The following ANKRD22 variants were observed in gnomAD, a reference collection of about 807,000 sequenced individuals.
The protein encoded by ANKRD22 is ankyrin repeat domain 22.
Under a neutral mutation model 25.7 loss-of-function variants are expected in ANKRD22, and 24 were observed. That is an observed-to-expected ratio of 0.93 (90% CI 0.68 to 1.31). The LOEUF (loss-of-function observed/expected upper bound fraction) is 1.31, where lower values mean the gene tolerates loss of function less well. Among genes scored for constraint, ANKRD22 ranks in the 50% most tolerant of loss-of-function variants. The pLI is 0.00. For missense variants in ANKRD22, 214 were observed against 227.1 expected (o/e 0.94, Z 0.37); for synonymous variants, 84 against 84.3 (o/e 1.00, Z 0.02).
intron 1 of ANKRD22, among the ~76,000 whole-genome samples, chr10:88,839,522 C>G (rs1019335729): frequency 6.7e-6 from 1 of 150,314 alleles, no homozygotes; most frequent in Non-Finnish European, 1.5e-5. Flanking sequence ...AGGCCCATCT[C>G]ATGGTTCATC....
At position 88,823,352 on chromosome 10, in the gene ANKRD22, G is replaced by A; in HGVS notation, c.426C>T (p.Ala142=). Residue 142 remains alanine (A), a synonymous_variant, in exon 5 of 6, where the codon GCC becomes GCT. Transcript: ENST00000371930. The part of the protein sequence containing the change: ...DCYGCTALHY[A]CEMKNQSLIP... ...TAAGAGACTGGTTTTTCATTTCACAGGCATAATGTAATGCGGTACAGCCAT... is the reference window on the plus strand; with the variant it reads ...TAAGAGACTGGTTTTTCATTTCACAAGCATAATGTAATGCGGTACAGCCAT... The A allele has an allele frequency of 6.2e-7, 1 of 1,614,020 alleles. No individual in the cohort carries two copies. Among genetic ancestry groups the A allele is most frequent in the South Asian group, 1.1e-5 (1 of 91,076 alleles).
At chr10:88,828,776 T>C (rs1487072076) in intron 2 of ANKRD22, 110 bp from the exon 3 acceptor site, 3 of 743,512 alleles carry the variant, frequency 4.0e-6, no homozygotes, top group Non-Finnish European at 6.5e-6. Context: ...CCGGTACCCA[T>C]GGCATCTTTT....
intron 1 of ANKRD22, among the ~76,000 whole-genome samples, chr10:88,834,750 C>A (rs1252165457): frequency 6.6e-6 from 1 of 152,094 alleles, no homozygotes; most frequent in Non-Finnish European, 1.5e-5. Context: ...GCCTGGCCAA[C>A]ATGGAGAAAC....
intron 1 of ANKRD22, among the ~76,000 whole-genome samples, chr10:88,844,973 T>C (rs1789099346): frequency 1.3e-5 from 2 of 152,128 alleles, no homozygotes; most frequent in South Asian, 4.1e-4. Flanking sequence ...GCTTCTTAGC[T>C]GGCTTCTTAA....
intron 4 of ANKRD22, among the ~76,000 whole-genome samples, chr10:88,825,003 T>TCACACACA (rs1429940409): frequency 1.3e-3 from 116 of 91,254 alleles, no homozygotes; most frequent in Non-Finnish European, 1.5e-3. Flanking sequence ...TCTCTCTCTC[T>TCACACACA]CTCTCTCTCA....
Position 88,821,505 on chromosome 10 carries a change from G to C in ANKRD22, c.*1436C>G, listed in dbSNP as rs1197358586. Among the ~76,000 whole-genome samples, 1 of 152,170 alleles carries C rather than the reference G, an allele frequency of 6.6e-6. No homozygotes were observed. Among genetic ancestry groups the C allele is most frequent in the Admixed American group, 6.5e-5 (1 of 15,284 alleles). ...AAAGTATATTGTTGAAGGTATACTGGTGTGTGAAATTCACTTGTGTGGGTT... is the reference window on the plus strand; with the variant it reads ...AAAGTATATTGTTGAAGGTATACTGCTGTGTGAAATTCACTTGTGTGGGTT... On this transcript the variant is annotated 3_prime_UTR_variant, in exon 6 of 6. Transcript: ENST00000371930.
Position 88,843,788 on chromosome 10 carries a change from G to A in ANKRD22, c.21+7799C>T, listed in dbSNP as rs570836352. 3.5e-3 allele frequency among the ~76,000 whole-genome samples: 529 copies of A among 152,230 alleles called. 2 individuals carry two copies. The highest frequency in any genetic ancestry group is 4.8e-3 in the Non-Finnish European group (327 of 67,996). On this transcript the variant is annotated intron_variant, in intron 1 of 5. Coordinates refer to ENST00000371930, the MANE Select transcript of ANKRD22 (RefSeq NM_144590.3). The stretch of plus-strand genomic sequence containing the variant: ...TTATGACTGCAGTAAATTCTTTGGA[G>A]AAAACAAATGTTTTATTCTTACATT...
In ANKRD22 at chr10:88,820,236, C is replaced by A. The variant is rs200206641; in HGVS notation, c.*2705G>T. ...AGAACTATTCCTTTTCTCTAGCCAA[C>A]TCCTGTAAGGTACAGAGTCAGAGAT... is the stretch of plus-strand genomic sequence containing the variant. On this transcript the variant is annotated 3_prime_UTR_variant, in exon 6 of 6. Coordinates refer to ENST00000371930, the MANE Select transcript of ANKRD22 (RefSeq NM_144590.3). 2.3e-3 allele frequency: 3,496 copies of A among 1,549,760 alleles called. 5 individuals are homozygous for A. Among genetic ancestry groups the A allele is most frequent in the Non-Finnish European group, 2.6e-3 (2,995 of 1,146,336 alleles).
intron 2 of ANKRD22, among the ~76,000 whole-genome samples, chr10:88,829,951 CT>C (rs1300538964): frequency 5.1e-4 from 77 of 152,110 alleles, no homozygotes; most frequent in African/African-American, 1.7e-3. Flanking sequence ...TAATTTTTTA[CT>C]TATTATTATT....
intron 4 of ANKRD22, among the ~76,000 whole-genome samples, 166 bp downstream of exon 4, chr10:88,825,872 T>C (rs986390819): frequency 9.2e-5 from 14 of 151,838 alleles, no homozygotes; most frequent in African/African-American, 3.4e-4. Context: ...CAGCAGAATA[T>C]AAATAACCTC....
chr10:88,826,861 T>C (rs1302407529), intron 3 of ANKRD22, among the ~76,000 whole-genome samples: 3 of 152,182 alleles, frequency 2.0e-5, no homozygotes, highest in African/African-American at 7.2e-5. Flanking sequence ...CTAACTCTCA[T>C]GGGGTAAAAA....
intron 1 of ANKRD22, among the ~76,000 whole-genome samples, chr10:88,839,691 C>T (rs1250249937): frequency 6.6e-6 from 1 of 152,082 alleles, no homozygotes; most frequent in Non-Finnish European, 1.5e-5. Context: ...GCACCCAGAA[C>T]ATGGATAAAA....
chr10:88,828,223 T>G (rs1441129982), intron 3 of ANKRD22, among the ~76,000 whole-genome samples: 1 of 152,144 alleles, frequency 6.6e-6, no homozygotes, highest in East Asian at 1.9e-4. Flanking sequence ...CAAACTCCTC[T>G]TTTAAAAAAA....
At chr10:88,830,982 A>C (rs1191832923) in intron 2 of ANKRD22, among the ~76,000 whole-genome samples, 1 of 152,210 alleles carries the variant, frequency 6.6e-6, no homozygotes, top group Non-Finnish European at 1.5e-5. Flanking sequence ...CATAAATAAA[A>C]AAGTCCAGTA....
At chr10:88,841,331 G>T (rs1005538637) in intron 1 of ANKRD22, among the ~76,000 whole-genome samples, 2 of 152,062 alleles carry the variant, frequency 1.3e-5, no homozygotes, top group Non-Finnish European at 2.9e-5. Flanking sequence ...AGGCAGTAGG[G>T]TGCCCATAAC....
Position 88,833,066 on chromosome 10 carries a change from T to C in ANKRD22, c.22-1040A>G, listed in dbSNP as rs548511503. Among the ~76,000 whole-genome samples the C allele has an allele frequency of 6.6e-5, 10 of 152,346 alleles. No individual in the cohort carries two copies. In the South Asian group the frequency reaches 1.2e-3, roughly 19 times the overall value. ...ACAGCAACTGACATACTGTAATTCT[T>C]TTCTTAATTATGTACAATCATGTAT... is the stretch of plus-strand genomic sequence containing the variant. On this transcript the variant is annotated intron_variant, in intron 1 of 5. Transcript: ENST00000371930.
intron 1 of ANKRD22, among the ~76,000 whole-genome samples, chr10:88,845,489 G>A (rs770375631): frequency 2.0e-5 from 3 of 151,994 alleles, no homozygotes; most frequent in Non-Finnish European, 4.4e-5. Context: ...ATGTCTCATG[G>A]ATATCGCTAA....
At chr10:88,841,310 G>C (rs771315944) in intron 1 of ANKRD22, among the ~76,000 whole-genome samples, 1 of 152,072 alleles carries the variant, frequency 6.6e-6, no homozygotes, top group Non-Finnish European at 1.5e-5. Context: ...GGTATTCACA[G>C]AGAAGAGAGA....
At chr10:88,844,943 C>T (rs1225985712) in intron 1 of ANKRD22, among the ~76,000 whole-genome samples, 2 of 152,104 alleles carry the variant, frequency 1.3e-5, no homozygotes, top group Non-Finnish European at 2.9e-5. Context: ...TTGAACCTGT[C>T]TTTCTGAGCT....
Sources: gnomAD v4.1 joint callset for allele counts (sites outside exome capture counted in the v4.1 genomes callset) on GRCh38, gnomAD v4.1.1 for gene constraint, MANE v1.5 for transcripts, NCBI Gene and HGNC (gene_info 2026-07-23, HGNC 2026-07-21) for gene names.